GLRA2: variants seen among roughly 807,000 people sequenced by gnomAD.
The protein encoded by GLRA2 is glycine receptor subunit alpha-2.
In GLRA2, 11 loss-of-function variants were observed where a neutral mutation model predicts 31.6. The observed-to-expected ratio is 0.35, with a 90% CI of 0.22 to 0.58. The LOEUF is 0.58. GLRA2 is among the 20% of genes least tolerant of loss of function. GLRA2 has a pLI of 0.84. For synonymous variants in GLRA2, 132 were observed against 134.0 expected, an observed-to-expected ratio of 0.99 and a Z score of 0.10; for missense variants, 212 against 351.8, an observed-to-expected ratio of 0.60 and a Z score of 3.18.
At chrX:14,577,765 A>G (rs746740476) in intron 3 of GLRA2, among the ~76,000 whole-genome samples, 44 of 111,546 alleles carry the variant, frequency 3.9e-4, no homozygotes, top group Non-Finnish European at 6.6e-4. Context: ...ATTTCAACAT[A>G]TGAATTTTGA....
intron 7 of GLRA2, among the ~76,000 whole-genome samples, chrX:14,617,922 A>G (rs893063259): frequency 2.7e-5 from 3 of 112,225 alleles, no homozygotes; most frequent in Non-Finnish European, 5.6e-5. Flanking sequence ...ATGAGGAAGC[A>G]GCACCTGAAC....
intron 2 of GLRA2, among the ~76,000 whole-genome samples, chrX:14,573,907 G>A (rs931555879): frequency 2.7e-5 from 3 of 110,171 alleles, no homozygotes; most frequent in African/African-American, 9.9e-5. Flanking sequence ...AAAAGGAGGT[G>A]GGTGTTTCTG....
chrX:14,504,753 G>T, the GLRA2 span, among the ~76,000 whole-genome samples: 479 of 112,242 alleles, frequency 4.3e-3, 3 homozygotes, highest in African/African-American at 0.015. Flanking sequence ...AATGAATGCA[G>T]TTTAAAAAAT....
At chrX:14,535,294 A>C (rs1457020180) in intron 2 of GLRA2, among the ~76,000 whole-genome samples, 1 of 112,313 alleles carries the variant, frequency 8.9e-6, no homozygotes, top group African/African-American at 3.2e-5. Flanking sequence ...AATTTTTCTT[A>C]TTGGAAAGAA....
At chrX:14,560,039 G>C (rs1050267908) in intron 2 of GLRA2, among the ~76,000 whole-genome samples, 1 of 111,679 alleles carries the variant, frequency 9.0e-6, no homozygotes, top group African/African-American at 3.3e-5. Context: ...CTCATGTTCA[G>C]ATATCAAGGC....
At chrX:14,666,343 T>C (rs777994872) in intron 7 of GLRA2, among the ~76,000 whole-genome samples, 1 of 112,244 alleles carries the variant, frequency 8.9e-6, no homozygotes, top group Admixed American at 9.5e-5. Context: ...TGAAAATTAA[T>C]AATTAATAGT....
At chrX:14,573,198 C>T (rs765657179) in intron 2 of GLRA2, among the ~76,000 whole-genome samples, 7 of 112,090 alleles carry the variant, frequency 6.2e-5, no homozygotes, top group South Asian at 7.5e-4. Context: ...AAGATTTTGC[C>T]TGGGGAGTTA....
At chrX:14,460,912 G>A in the GLRA2 span, among the ~76,000 whole-genome samples, 3,808 of 110,313 alleles carry the variant, frequency 0.035, 162 homozygotes, top group African/African-American at 0.12. Flanking sequence ...TTTTGAATGT[G>A]TTTGCTCTTG....
chrX:14,502,744 C>G, the GLRA2 span, among the ~76,000 whole-genome samples: 1 of 110,936 alleles, frequency 9.0e-6, no homozygotes, highest in African/African-American at 3.3e-5. Context: ...ATCACTCATA[C>G]CTGAACAAAG....
intron 2 of GLRA2, among the ~76,000 whole-genome samples, chrX:14,564,224 C>T (rs191922327): frequency 8.9e-4 from 98 of 110,208 alleles, no homozygotes; most frequent in African/African-American, 3.0e-3. Context: ...AAAAACAACT[C>T]ATTACATACA....
intron 8 of GLRA2, among the ~76,000 whole-genome samples, chrX:14,705,271 G>A (rs7876868): frequency 0.098 from 10,896 of 111,426 alleles, 763 homozygotes; most frequent in African/African-American, 0.24. Flanking sequence ...TCAGTGACAC[G>A]GAAGCTTTGT....
chrX:14,551,724 G>C (rs993960053), intron 2 of GLRA2, among the ~76,000 whole-genome samples: 2 of 111,677 alleles, frequency 1.8e-5, no homozygotes, highest in African/African-American at 3.3e-5. Context: ...CTTCTAAATA[G>C]AGTTTTTCTC....
chrX:14,555,702 AAATGAATTACTTTTTG>A (rs1245440705), intron 2 of GLRA2, among the ~76,000 whole-genome samples: 5 of 112,487 alleles, frequency 4.4e-5, no homozygotes, highest in Non-Finnish European at 9.4e-5. Flanking sequence ...CATTTGATTT[AAATGAATTACTTTTTG>A]AATGAATTAC....
At chrX:14,450,087 C>CAG in the GLRA2 span, among the ~76,000 whole-genome samples, 1 of 111,729 alleles carries the variant, frequency 9.0e-6, no homozygotes, top group Non-Finnish European at 1.9e-5. Context: ...AGGCAGATGC[C>CAG]AGAGAGAGAC....
At chrX:14,498,090 G>A in the GLRA2 span, among the ~76,000 whole-genome samples, 35 of 110,410 alleles carry the variant, frequency 3.2e-4, no homozygotes, top group East Asian at 9.0e-3. Flanking sequence ...TTGGAAGATA[G>A]TCATATCACA....
At chrX:14,454,249 A>G in the GLRA2 span, among the ~76,000 whole-genome samples, 10 of 109,545 alleles carry the variant, frequency 9.1e-5, 1 homozygote, top group South Asian at 4.0e-3. Context: ...CAAGGAAACC[A>G]AGGGAAATCT....
intron 7 of GLRA2, among the ~76,000 whole-genome samples, chrX:14,681,904 A>T (rs866611567): frequency 4.7e-4 from 18 of 37,988 alleles, no homozygotes; most frequent in African/African-American, 1.2e-3. Flanking sequence ...AAAAAAAAAA[A>T]AAAAAAATAT....
chrX:14,597,848 CTG>C (rs1250062553), intron 4 of GLRA2, among the ~76,000 whole-genome samples: 1 of 111,715 alleles, frequency 9.0e-6, no homozygotes, highest in African/African-American at 3.3e-5. Context: ...AGCTTAAACT[CTG>C]TGAGTTTCAA....
At chrX:14,604,261 A>G (rs964827972) in intron 4 of GLRA2, 54 bp from the exon 5 acceptor site, 2 of 710,694 alleles carry the variant, frequency 2.8e-6, no homozygotes, top group Non-Finnish European at 4.4e-6. Context: ...GTTTCTCAAC[A>G]ACTGGACTTC....
Sources: allele counts gnomAD v4.1 joint callset (sites outside exome capture counted in the v4.1 genomes callset), GRCh38; gene constraint gnomAD v4.1.1; transcripts MANE v1.5; gene names NCBI Gene and HGNC (gene_info 2026-07-23, HGNC 2026-07-21).